Variants in FRMPD4 observed in about 807,000 individuals in gnomAD.
FRMPD4 encodes the protein FERM and PDZ domain-containing protein 4.
A neutral mutation model predicts 94.1 loss-of-function variants in FRMPD4; 22 were observed. The ratio of observed to expected loss-of-function variants is 0.23; its 90% CI spans 0.17 to 0.33. FRMPD4 has a LOEUF of 0.33. Among genes scored for constraint, FRMPD4 ranks in the 10% least tolerant of loss-of-function variants. FRMPD4 has a pLI of 1.00. For synonymous variants in FRMPD4, 631 were observed against 548.6 expected (o/e 1.15, Z -2.10); for missense variants, 1,111 against 1,339.9 (o/e 0.83, Z 2.67).
intron 1 of FRMPD4, among the ~76,000 whole-genome samples, chrX:12,147,145 G>A (rs2055780328): frequency 8.9e-6 from 1 of 112,121 alleles, no homozygotes; most frequent in South Asian, 3.7e-4. Context: ...GTGGTAGATT[G>A]TAATTTTGTT....
chrX:11,831,871 A>G (rs1303676999), intron 1 of FRMPD4, among the ~76,000 whole-genome samples: 2 of 112,541 alleles, frequency 1.8e-5, no homozygotes, highest in Non-Finnish European at 3.8e-5. Context: ...AAACAAGGCC[A>G]TGAACTCCTT....
At chrX:12,463,740 A>G (rs1346429093) in intron 1 of FRMPD4, among the ~76,000 whole-genome samples, 7 of 89,149 alleles carry the variant, frequency 7.9e-5, no homozygotes, top group Non-Finnish European at 1.5e-4. Context: ...GTGTGAGGGC[A>G]GGTAGTTTAT....
intron 1 of FRMPD4, among the ~76,000 whole-genome samples, chrX:12,211,808 C>T (rs1307521164): frequency 8.9e-6 from 1 of 112,012 alleles, no homozygotes; most frequent in African/African-American, 3.2e-5. Context: ...ATATAATAAA[C>T]TTACAAAGCA....
intron 1 of FRMPD4, among the ~76,000 whole-genome samples, chrX:12,268,092 T>G (rs890754776): frequency 1.8e-5 from 2 of 112,460 alleles, no homozygotes; most frequent in Non-Finnish European, 3.8e-5. Context: ...AGATCCACCC[T>G]CCTCTACATC....
intron 13 of FRMPD4, among the ~76,000 whole-genome samples, chrX:12,708,484 AC>A (rs1569067087): frequency 6.0e-4 from 62 of 103,371 alleles, no homozygotes; most frequent in African/African-American, 2.3e-3. Context: ...AAAAAAAAAA[AC>A]ACAAAAATCT....
At chrX:12,464,684 T>G (rs974155295) in intron 1 of FRMPD4, among the ~76,000 whole-genome samples, 5 of 112,126 alleles carry the variant, frequency 4.5e-5, no homozygotes, top group Non-Finnish European at 7.5e-5. Flanking sequence ...GCAAGTTATA[T>G]GGAACTTAAC....
intron 4 of FRMPD4, among the ~76,000 whole-genome samples, chrX:12,633,331 C>A (rs1382236069): frequency 1.8e-5 from 2 of 112,017 alleles, no homozygotes; most frequent in African/African-American, 6.5e-5. Flanking sequence ...AAGGCCCTAG[C>A]TATGATGTTA....
At chrX:11,893,644 G>A (rs1189163008) in intron 3 of FRMPD4, among the ~76,000 whole-genome samples, 1 of 111,864 alleles carries the variant, frequency 8.9e-6, no homozygotes, top group African/African-American at 3.3e-5. Context: ...TTTAATAAGG[G>A]CAATAATCAC....
At chrX:12,700,373 C>CA (rs1330586999) in intron 9 of FRMPD4, among the ~76,000 whole-genome samples, 2 of 112,381 alleles carry the variant, frequency 1.8e-5, no homozygotes, top group African/African-American at 6.5e-5. Context: ...TTTCCCATAA[C>CA]AAAAGTAAGT....
chrX:12,322,655 G>A (rs190662467), intron 1 of FRMPD4, among the ~76,000 whole-genome samples: 58 of 111,249 alleles, frequency 5.2e-4, no homozygotes, highest in Non-Finnish European at 9.4e-4. Context: ...GTGCTGCTCT[G>A]TAAGGCATGA....
chrX:12,332,564 T>C (rs1329367013), intron 1 of FRMPD4, among the ~76,000 whole-genome samples: 1 of 110,818 alleles, frequency 9.0e-6, no homozygotes, highest in Non-Finnish European at 1.9e-5. Context: ...TTCCAAGTCG[T>C]TTTAACGTTT....
chrX:12,500,875 A>T (rs767808661), intron 2 of FRMPD4, among the ~76,000 whole-genome samples: 26 of 112,467 alleles, frequency 2.3e-4, no homozygotes, highest in Non-Finnish European at 1.9e-4. Context: ...GGTGAACTAG[A>T]TGCTTTGACT....
intron 1 of FRMPD4, among the ~76,000 whole-genome samples, chrX:12,154,362 T>G (rs1467208050): frequency 8.9e-6 from 1 of 112,907 alleles, no homozygotes; most frequent in African/African-American, 3.2e-5. Context: ...ATGCAGGAAA[T>G]GATTAAAAGC....
At chrX:12,580,400 T>C in intron 2 of FRMPD4, among the ~76,000 whole-genome samples, 1 of 112,150 alleles carries the variant, frequency 8.9e-6, no homozygotes, top group Middle Eastern at 4.7e-3. Context: ...CATCCCCCAG[T>C]TGATGCCTGA....
chrX:12,400,187 T>C (rs781609534), intron 1 of FRMPD4, among the ~76,000 whole-genome samples: 3 of 112,264 alleles, frequency 2.7e-5, no homozygotes, highest in Non-Finnish European at 5.6e-5. Context: ...ATATTGAGGT[T>C]AGATGAAGTC....
chrX:12,703,487 C>A (rs1346759674), intron 10 of FRMPD4, among the ~76,000 whole-genome samples: 2 of 111,157 alleles, frequency 1.8e-5, no homozygotes, highest in Non-Finnish European at 3.8e-5. Flanking sequence ...GTCTTCCTAC[C>A]CTTCTTTGGA....
At chrX:12,137,126 C>T (rs2055607774), upstream of FRMPD4, among the ~76,000 whole-genome samples, 1 of 111,743 alleles carries the variant, frequency 8.9e-6, no homozygotes. Flanking sequence ...AAGCCAAGGT[C>T]CCTCTCGCCC....
intron 4 of FRMPD4, among the ~76,000 whole-genome samples, chrX:12,620,632 C>G (rs2059279367): frequency 8.9e-6 from 1 of 112,239 alleles, no homozygotes; most frequent in South Asian, 3.7e-4. Flanking sequence ...TCCCAAGGCT[C>G]TGGAAATAGG....
intron 1 of FRMPD4, among the ~76,000 whole-genome samples, chrX:12,213,219 ATC>A (rs943505783): frequency 5.4e-5 from 6 of 111,661 alleles, no homozygotes; most frequent in African/African-American, 2.0e-4. Flanking sequence ...ATACTGCCAA[ATC>A]TCTGTTTCAT....
Sources: gnomAD v4.1 joint callset for allele counts (sites outside exome capture counted in the v4.1 genomes callset) on GRCh38, gnomAD v4.1.1 for gene constraint, MANE v1.5 for transcripts, NCBI Gene and HGNC (gene_info 2026-07-23, HGNC 2026-07-21) for gene names.